The following BRD4 variants were observed in gnomAD, a reference collection of about 807,000 sequenced individuals.
BRD4 encodes bromodomain containing 4, also known as bromodomain-containing protein 4.
In BRD4, 16 loss-of-function variants were observed where a neutral mutation model predicts 142.1. The observed-to-expected ratio is 0.11, with a 90% CI of 0.08 to 0.17. BRD4 has a LOEUF of 0.17. Ranked by LOEUF, BRD4 falls within the 10% of genes least tolerant of loss-of-function variation. The pLI, the probability that BRD4 is intolerant of heterozygous loss-of-function variation, is 1.00. For missense variants in BRD4, 1,424 were observed against 1,810.9 expected, an observed-to-expected ratio of 0.79 and a Z score of 3.88; for synonymous variants, 833 against 707.5, an observed-to-expected ratio of 1.18 and a Z score of -2.82.
intron 1 of BRD4, among the ~76,000 whole-genome samples, chr19:15,317,280 G>A (rs1012299796): frequency 6.6e-6 from 1 of 152,098 alleles, no homozygotes; most frequent in South Asian, 2.1e-4. Context: ...AGAAATATTC[G>A]CTAAAACAGA....
chr19:15,330,031 T>C (rs1176643316), intron 1 of BRD4, among the ~76,000 whole-genome samples: 1 of 152,264 alleles, frequency 6.6e-6, no homozygotes, highest in Admixed American at 6.5e-5. Flanking sequence ...CTAGCGAAGC[T>C]AGGCATATAG....
At chr19:15,261,088 CT>C (rs1411509826) in intron 7 of BRD4, among the ~76,000 whole-genome samples, 1 of 152,250 alleles carries the variant, frequency 6.6e-6, no homozygotes, top group African/African-American at 2.4e-5. Context: ...AGCTGCGCCC[CT>C]GTCTTCTCAA....
At chr19:15,315,196 G>A (rs1226605064) in intron 1 of BRD4, among the ~76,000 whole-genome samples, 3 of 151,604 alleles carry the variant, frequency 2.0e-5, no homozygotes, top group African/African-American at 7.3e-5. Flanking sequence ...ATTTCCTACT[G>A]AATGAGATCA....
At chr19:15,322,497 C>T (rs2048070096) in intron 1 of BRD4, among the ~76,000 whole-genome samples, 1 of 150,760 alleles carries the variant, frequency 6.6e-6, no homozygotes, top group South Asian at 2.1e-4. Context: ...ATCACGAGGT[C>T]AGGAGATCGA....
At chr19:15,245,778 G>A (rs769736043) in intron 11 of BRD4, among the ~76,000 whole-genome samples, 7 of 152,202 alleles carry the variant, frequency 4.6e-5, no homozygotes, top group African/African-American at 7.2e-5. Context: ...ATGGTATGGC[G>A]CCTTTTGGAT....
At chr19:15,303,939 C>T (rs1365007441) in intron 1 of BRD4, among the ~76,000 whole-genome samples, 2 of 152,146 alleles carry the variant, frequency 1.3e-5, no homozygotes, top group Admixed American at 1.3e-4. Flanking sequence ...AGACTCCATG[C>T]AGAATGCTTG....
intron 1 of BRD4, among the ~76,000 whole-genome samples, chr19:15,288,452 G>T (rs566063024): frequency 3.9e-5 from 6 of 152,222 alleles, no homozygotes; most frequent in Non-Finnish European, 8.8e-5. Flanking sequence ...ACAGGATCCA[G>T]TTATAAACTT....
chr19:15,276,151 T>C (rs1420907106), intron 1 of BRD4, among the ~76,000 whole-genome samples: 7 of 152,110 alleles, frequency 4.6e-5, no homozygotes, highest in African/African-American at 4.8e-5. Flanking sequence ...AGCCTTCCCA[T>C]GACTACAGGA....
chr19:15,318,476 C>T (rs1484343370), intron 1 of BRD4, among the ~76,000 whole-genome samples: 1 of 152,162 alleles, frequency 6.6e-6, no homozygotes, highest in Non-Finnish European at 1.5e-5. Flanking sequence ...GTGTACACTG[C>T]TTGGTGTAGC....
At chr19:15,247,402 T>C (rs2047298474) in intron 11 of BRD4, 1 of 232,362 alleles carries the variant, frequency 4.3e-6, no homozygotes, top group African/African-American at 2.2e-5. Context: ...CAAGCACAGG[T>C]GACAGCTTAA....
chr19:15,324,270 T>A (rs1240138674), intron 1 of BRD4, among the ~76,000 whole-genome samples: 3 of 152,188 alleles, frequency 2.0e-5, no homozygotes, highest in Non-Finnish European at 4.4e-5. Flanking sequence ...ATAGAACAAA[T>A]GTCAAATTTA....
chr19:15,298,937 T>A (rs2047846235), intron 1 of BRD4, among the ~76,000 whole-genome samples: 1 of 152,162 alleles, frequency 6.6e-6, no homozygotes, highest in African/African-American at 2.4e-5. Flanking sequence ...TGCTGGCACA[T>A]CGTGTCACCT....
intron 1 of BRD4, among the ~76,000 whole-genome samples, chr19:15,274,900 C>T (rs140656965): frequency 6.7e-5 from 10 of 150,360 alleles, no homozygotes; most frequent in East Asian, 3.9e-4. Context: ...CAGGGTCTGT[C>T]GCCCAGGCAG....
intron 1 of BRD4, among the ~76,000 whole-genome samples, chr19:15,327,669 G>A (rs2048120644): frequency 6.6e-6 from 1 of 152,112 alleles, no homozygotes; most frequent in African/African-American, 2.4e-5. Context: ...ATGTAGCATA[G>A]CCATATAATG....
chr19:15,270,581 A>G (rs907829690), intron 2 of BRD4, among the ~76,000 whole-genome samples: 5 of 152,180 alleles, frequency 3.3e-5, no homozygotes, highest in African/African-American at 1.2e-4. Context: ...TGGCCAACAG[A>G]ATAGTGAAGA....
intron 1 of BRD4, among the ~76,000 whole-genome samples, chr19:15,314,897 G>A (rs1343952928): frequency 6.6e-6 from 1 of 152,178 alleles, no homozygotes; most frequent in Admixed American, 6.5e-5. Flanking sequence ...GAAGATGGAG[G>A]AAATGGAGTT....
chr19:15,280,190 T>C, intron 1 of BRD4: 1 of 938,452 alleles, frequency 1.1e-6, no homozygotes, highest in Non-Finnish European at 1.3e-6. Flanking sequence ...GAGTGGATGG[T>C]GGCCTGGTTG....
chr19:15,257,171 A>G lies in BRD4; in HGVS notation c.1344T>C (p.Asp448=), dbSNP rs539577596. ...TCTTGGCAAAGCGCATTTCGAACAC[A>G]TCCTGGTGAGGGAAAGACATGCTGT... The part of the protein sequence containing the change: ...EVVAMARKLQ[D]VFEMRFAKMP... Residue 448 remains aspartate, a splice_region_variant and synonymous_variant, in exon 8 of 20, where the codon GAT becomes GAC. Transcript: ENST00000679869. 1 of 1,602,794 alleles carries G rather than the reference A, an allele frequency of 6.2e-7. No homozygotes were observed. Among genetic ancestry groups the G allele is most frequent in the East Asian group, 2.2e-5 (1 of 44,604 alleles).
At chr19:15,251,907 A>T (rs1344214397) in intron 11 of BRD4, among the ~76,000 whole-genome samples, 3 of 152,180 alleles carry the variant, frequency 2.0e-5, no homozygotes, top group Non-Finnish European at 4.4e-5. Context: ...GGAAGGCCAG[A>T]GCCCAGATAG....
Sources: allele counts gnomAD v4.1 joint callset (sites outside exome capture counted in the v4.1 genomes callset), GRCh38; gene constraint gnomAD v4.1.1; transcripts MANE v1.5; gene names NCBI Gene and HGNC (gene_info 2026-07-23, HGNC 2026-07-21).